PCDHA6: variants seen among roughly 807,000 people sequenced by gnomAD.
The protein encoded by PCDHA6 is protocadherin alpha 6.
A neutral mutation model predicts 60.3 loss-of-function variants in PCDHA6; 55 were observed. The ratio of observed to expected loss-of-function variants is 0.91; its 90% CI spans 0.73 to 1.14. PCDHA6 has a LOEUF of 1.14. Ranked by LOEUF, PCDHA6 falls within the 50% of genes most tolerant of loss-of-function variation. The pLI, the probability that PCDHA6 is intolerant of heterozygous loss-of-function variation, is 0.00. For synonymous variants in PCDHA6, 652 were observed against 557.9 expected, an observed-to-expected ratio of 1.17 and a Z score of -2.38; for missense variants, 1,327 against 1,256.5, an observed-to-expected ratio of 1.06 and a Z score of -0.85.
intron 1 of PCDHA6, chr5:140,930,059 A>G (rs1486359495): frequency 6.6e-6 from 1 of 152,200 alleles, no homozygotes; most frequent in Non-Finnish European, 1.5e-5. Flanking sequence ...TTGCTTACAC[A>G]AAAACTGTAA....
chr5:140,851,571 A>C (rs1036529099), intron 1 of PCDHA6: 1 of 908,760 alleles, frequency 1.1e-6, no homozygotes, highest in Admixed American at 6.3e-5. Context: ...TTTTGTCTAC[A>C]CTTAGAACAT....
At chr5:140,969,178 C>G (rs2096303822) in intron 1 of PCDHA6, 1 of 1,613,978 alleles carries the variant, frequency 6.2e-7, no homozygotes, top group South Asian at 1.1e-5. Flanking sequence ...CAGGGAGTGA[C>G]ACTTTCATGT....
chr5:140,965,323 G>A (rs2095891055), intron 1 of PCDHA6, among the ~76,000 whole-genome samples: 1 of 152,176 alleles, frequency 6.6e-6, no homozygotes, highest in South Asian at 2.1e-4. Flanking sequence ...TTTTACTGAA[G>A]TGAATTTGTT....
At chr5:140,906,416 T>A (rs2072639287) in intron 1 of PCDHA6, among the ~76,000 whole-genome samples, 1 of 152,190 alleles carries the variant, frequency 6.6e-6, no homozygotes, top group African/African-American at 2.4e-5. Flanking sequence ...AGTCAATAAA[T>A]CTTATGTCAC....
At chr5:140,877,239 C>G (rs2056959197) in intron 1 of PCDHA6, 1 of 1,613,668 alleles carries the variant, frequency 6.2e-7, no homozygotes, top group Non-Finnish European at 8.5e-7. Context: ...GTGCGGGCCA[C>G]GTGGTGGCGA....
rs2150395241 is a variant in PCDHA6, at chr5:140,846,875, G to A, written c.2394+16390G>A. Among the ~76,000 whole-genome samples the A allele has an allele frequency of 4.0e-5, 6 of 149,568 alleles. 1 individual carries two copies. Among genetic ancestry groups the A allele is most frequent in the Non-Finnish European group, 7.5e-5 (5 of 66,912 alleles). On this transcript the variant is annotated intron_variant, in intron 1 of 3. Transcript: ENST00000529310. ...CAAGATAATGTAACAGGTACAAGAG[G>A]TAAATCAGAATGACGTTGAAGTTGA... is the stretch of plus-strand genomic sequence containing the variant.
intron 1 of PCDHA6, chr5:140,836,741 G>A (rs1554136289): frequency 8.1e-6 from 13 of 1,600,528 alleles, no homozygotes; most frequent in South Asian, 5.6e-5. Flanking sequence ...CAGACAATGT[G>A]AGTCATAAAT....
intron 3 of PCDHA6, among the ~76,000 whole-genome samples, chr5:141,000,421 ATTTTTTTT>A (rs34755515): frequency 1.4e-4 from 4 of 27,978 alleles, no homozygotes; most frequent in African/African-American, 7.1e-4. Flanking sequence ...ATATATATAT[ATTTTTTTT>A]TTTTTTTTTT....
intron 1 of PCDHA6, among the ~76,000 whole-genome samples, chr5:140,890,240 A>C (rs1554184230): frequency 6.6e-6 from 1 of 152,138 alleles, no homozygotes; most frequent in African/African-American, 2.4e-5. Flanking sequence ...AGCATTTACC[A>C]GTACACTACT....
chr5:140,984,428 G>A (rs2097103075), intron 3 of PCDHA6, among the ~76,000 whole-genome samples: 1 of 152,100 alleles, frequency 6.6e-6, no homozygotes, highest in African/African-American at 2.4e-5. Context: ...ATAGAGAAGG[G>A]GATCTCCCTT....
chr5:140,849,977 G>T (rs2150461190), intron 1 of PCDHA6: 15 of 1,597,540 alleles, frequency 9.4e-6, no homozygotes, highest in East Asian at 4.5e-5. Context: ...CCTACTCGCT[G>T]GTGGAGCGGC....
chr5:140,843,597 G>A, intron 1 of PCDHA6: 1 of 1,596,060 alleles, frequency 6.3e-7, no homozygotes. Flanking sequence ...CAGAGGGTGT[G>A]CTCTGGTGAG....
rs116326633 is a variant in PCDHA6 at position 141,003,488 on chromosome 5, G to A, written c.2543-6139G>A. Reference sequence around the variant, plus strand: ...CACCACAGTCTCGCTAATTTTTATAGTTTTAGTAGAGATGGGGTTTCACCA... The same window carrying A: ...CACCACAGTCTCGCTAATTTTTATAATTTTAGTAGAGATGGGGTTTCACCA... On this transcript the variant is annotated intron_variant, in intron 3 of 3. Transcript: ENST00000529310. 8.1e-3 allele frequency among the ~76,000 whole-genome samples: 1,225 copies of A among 152,062 alleles called. 19 individuals are homozygous for A. The highest frequency in any genetic ancestry group is 0.028 in the African/African-American group (1,155 of 41,502).
intron 1 of PCDHA6, chr5:140,881,378 G>A (rs2058692175): frequency 1.0e-6 from 1 of 984,802 alleles, no homozygotes; most frequent in Non-Finnish European, 1.2e-6. Context: ...ATTGCAGCCG[G>A]CGGCGGTAAG....
At chr5:140,967,695 T>C (rs782761674) in intron 1 of PCDHA6, 5 of 1,614,184 alleles carry the variant, frequency 3.1e-6, no homozygotes, top group Admixed American at 1.7e-5. Flanking sequence ...CTCTTCAGCA[T>C]AGATGCCAGT....
chr5:140,852,725 A>G lies in PCDHA6; in HGVS notation c.2394+22240A>G. The G allele has an allele frequency of 3.1e-6, 3 of 983,054 alleles. 1 individual carries two copies. The highest frequency in any genetic ancestry group is 3.7e-6 in the Non-Finnish European group (3 of 815,624). 60.9% of individuals were successfully genotyped at this position (983,054 alleles called of 1,614,324 possible). A position where few individuals can be genotyped will look rare whatever the true frequency, so the allele number is the denominator to read the frequency against. On this transcript the variant is annotated intron_variant, in intron 1 of 3. Coordinates refer to ENST00000529310, the MANE Select transcript of PCDHA6 (RefSeq NM_018909.4). ...GTATCTTTGTCTTTGCACGTTTTTC[A>G]AGTTTCATGTGCCATTTAAACTTGG...
chr5:140,947,975 A>C lies in PCDHA6; in HGVS notation c.2395-30974A>C, dbSNP rs572156919. ...TTTTACAATTAAGTATGTGCTACTC[A>C]TAGGTTTTTCCCAAATACTTTATTA... On this transcript the variant is annotated intron_variant, in intron 1 of 3. Transcript: ENST00000529310. Among the ~76,000 whole-genome samples the C allele has an allele frequency of 2.7e-5, 4 of 150,726 alleles. No individual in the cohort carries two copies. In the East Asian group the frequency reaches 7.8e-4, roughly 29 times the overall value.
At position 140,856,908 on chromosome 5, in the gene PCDHA6, C is replaced by G. The variant is rs1319775845; in HGVS notation, c.2394+26423C>G. 7 of 1,595,460 alleles carry G rather than the reference C, an allele frequency of 4.4e-6. 1 individual carries two copies. The African/African-American group carries it at 9.4e-5, about 22-fold the overall frequency. On this transcript the variant is annotated intron_variant, in intron 1 of 3. Coordinates refer to ENST00000529310, the MANE Select transcript of PCDHA6 (RefSeq NM_018909.4). ...TCATTTAGCTCTTTGGTCCCACCCA[C>G]GATAAGAAGGAAATTTTGGATAAAC...
At chr5:140,830,820 G>C (rs1771259303) in intron 1 of PCDHA6, 2 of 156,158 alleles carry the variant, frequency 1.3e-5, no homozygotes, top group African/African-American at 4.8e-5. Flanking sequence ...GTTTGCCTTT[G>C]AGCTTTAGGA....
Sources: gnomAD v4.1 joint callset for allele counts (sites outside exome capture counted in the v4.1 genomes callset) on GRCh38, gnomAD v4.1.1 for gene constraint, MANE v1.5 for transcripts, NCBI Gene and HGNC (gene_info 2026-07-23, HGNC 2026-07-21) for gene names.